RFX3: variants seen among roughly 807,000 people sequenced by gnomAD.
RFX3 encodes regulatory factor X3.
In RFX3, 14 loss-of-function variants were observed where a neutral mutation model predicts 98.6. The ratio of observed to expected loss-of-function variants is 0.14; its 90% CI spans 0.09 to 0.22. RFX3 has a LOEUF of 0.22. Among genes scored for constraint, RFX3 ranks in the 10% least tolerant of loss-of-function variants. The pLI is 1.00. For synonymous variants in RFX3, 383 were observed against 328.4 expected, an observed-to-expected ratio of 1.17 and a Z score of -1.80; for missense variants, 639 against 926.9, an observed-to-expected ratio of 0.69 and a Z score of 4.03.
chr9:3,485,917 G>A (rs947825072), intron 1 of RFX3, among the ~76,000 whole-genome samples: 8 of 151,878 alleles, frequency 5.3e-5, no homozygotes, highest in African/African-American at 1.9e-4. Context: ...CTGAAGTCGG[G>A]AGTTCGAGAC....
chr9:3,220,638 C>A lies in RFX3; in HGVS notation c.*4404G>T, dbSNP rs893661361. On this transcript the variant is annotated 3_prime_UTR_variant, in exon 17 of 17. Transcript: ENST00000617270. ...GCGTGGAAACACTTTCTCTTCCTAC[C>A]CCCCCCTTTAAAAAAACAGCATAAT... 6 of 150,442 alleles carry A rather than the reference C, an allele frequency of 4.0e-5. No individual in the cohort carries two copies. The highest frequency in any genetic ancestry group is 1.5e-4 in the African/African-American group (6 of 40,964). 9.3% of individuals were successfully genotyped at this position (150,442 alleles called of 1,614,324 possible). A position where few individuals can be genotyped will look rare whatever the true frequency, so the allele number is the denominator to read the frequency against.
intron 3 of RFX3, among the ~76,000 whole-genome samples, chr9:3,340,096 C>T (rs1272541899): frequency 1.3e-5 from 2 of 152,132 alleles, no homozygotes; most frequent in African/African-American, 4.8e-5. Flanking sequence ...AGAAATAATG[C>T]CGCATATCTA....
At chr9:3,279,523 G>A (rs1051526463) in intron 7 of RFX3, among the ~76,000 whole-genome samples, 14 of 151,744 alleles carry the variant, frequency 9.2e-5, no homozygotes, top group African/African-American at 3.1e-4. Context: ...GTTATGCTCT[G>A]CCACATTTCT....
At chr9:3,516,832 A>C (rs1184404706) in intron 1 of RFX3, among the ~76,000 whole-genome samples, 4 of 152,134 alleles carry the variant, frequency 2.6e-5, no homozygotes, top group Non-Finnish European at 4.4e-5. Context: ...GGAGCCCCAA[A>C]TGTCAGACAC....
intron 2 of RFX3, among the ~76,000 whole-genome samples, chr9:3,370,835 G>T (rs1336311006): frequency 1.3e-5 from 2 of 151,996 alleles, no homozygotes; most frequent in East Asian, 1.9e-4. Context: ...ATTCAAATTG[G>T]TGCATGTGTC....
chr9:3,291,389 CAAAAACAAAACAAAA>C (rs1291494437), intron 6 of RFX3, among the ~76,000 whole-genome samples: 5,925 of 121,484 alleles, frequency 0.049, 376 homozygotes, highest in African/African-American at 0.15. Context: ...AAAACAAAAA[CAAAAACAAAACAAAA>C]CAAAACAAAA....
intron 2 of RFX3, among the ~76,000 whole-genome samples, chr9:3,370,812 G>A (rs536969712): frequency 1.4e-4 from 21 of 152,138 alleles, no homozygotes; most frequent in Non-Finnish European, 7.4e-5. Flanking sequence ...ACTTTACAAT[G>A]TCCAGATAAG....
chr9:3,306,373 T>C (rs1829313552), intron 4 of RFX3, among the ~76,000 whole-genome samples: 1 of 152,038 alleles, frequency 6.6e-6, no homozygotes, highest in African/African-American at 2.4e-5. Flanking sequence ...CCAGTGCAAC[T>C]ATGGTGTGTG....
chr9:3,523,839 A>C (rs1423716689), intron 1 of RFX3, among the ~76,000 whole-genome samples: 3 of 152,210 alleles, frequency 2.0e-5, no homozygotes, highest in African/African-American at 7.2e-5. Flanking sequence ...AATAATTATA[A>C]ACAAATCTGA....
At chr9:3,349,476 T>C (rs1283928186) in intron 2 of RFX3, among the ~76,000 whole-genome samples, 1 of 152,068 alleles carries the variant, frequency 6.6e-6, no homozygotes, top group Non-Finnish European at 1.5e-5. Context: ...GTTTTATGAT[T>C]ACATGAAATA....
chr9:3,303,488 A>T (rs1383454552), intron 4 of RFX3, among the ~76,000 whole-genome samples: 1 of 151,960 alleles, frequency 6.6e-6, no homozygotes, highest in Non-Finnish European at 1.5e-5. Flanking sequence ...CAGTCTAGTA[A>T]ATATAAATAA....
At chr9:3,466,936 C>T (rs531985320) in intron 1 of RFX3, among the ~76,000 whole-genome samples, 1 of 150,328 alleles carries the variant, frequency 6.7e-6, no homozygotes, top group Non-Finnish European at 1.5e-5. Flanking sequence ...ATCCAACCCC[C>T]GGAGGTATTC....
At chr9:3,377,457 AG>A (rs1838675537) in intron 2 of RFX3, among the ~76,000 whole-genome samples, 1 of 152,062 alleles carries the variant, frequency 6.6e-6, no homozygotes, top group Non-Finnish European at 1.5e-5. Context: ...GGTGAGGGGA[AG>A]GGATAACATT....
intron 2 of RFX3, among the ~76,000 whole-genome samples, chr9:3,383,280 T>C (rs535701983): frequency 3.0e-4 from 45 of 152,252 alleles, no homozygotes; most frequent in African/African-American, 1.1e-3. Flanking sequence ...CAAATAGTCC[T>C]TTATATCCTG....
chr9:3,347,421 G>C (rs1834569076), intron 2 of RFX3, among the ~76,000 whole-genome samples: 2 of 151,878 alleles, frequency 1.3e-5, no homozygotes, highest in Non-Finnish European at 2.9e-5. Flanking sequence ...ATTCATAATA[G>C]AAAATTTCAA....
At chr9:3,443,887 T>C (rs1183568200) in intron 1 of RFX3, among the ~76,000 whole-genome samples, 1 of 152,152 alleles carries the variant, frequency 6.6e-6, no homozygotes, top group African/African-American at 2.4e-5. Flanking sequence ...TTTTTAATAA[T>C]AGAATGGCTA....
At chr9:3,460,321 C>A (rs1054205227) in intron 1 of RFX3, among the ~76,000 whole-genome samples, 1 of 151,982 alleles carries the variant, frequency 6.6e-6, no homozygotes, top group African/African-American at 2.4e-5. Flanking sequence ...TTATGAGATG[C>A]AAATTAAATC....
intron 1 of RFX3, among the ~76,000 whole-genome samples, chr9:3,399,568 T>A (rs1323829477): frequency 2.6e-5 from 4 of 152,234 alleles, no homozygotes; most frequent in African/African-American, 9.6e-5. Context: ...CTCTTTTCAA[T>A]TGAATGGCCT....
At chr9:3,242,453 C>G (rs1469769393) in intron 15 of RFX3, among the ~76,000 whole-genome samples, 1 of 151,512 alleles carries the variant, frequency 6.6e-6, no homozygotes, top group Non-Finnish European at 1.5e-5. Context: ...ATATTCTTTG[C>G]TTTTAAAATA....
Sources: allele counts gnomAD v4.1 joint callset (sites outside exome capture counted in the v4.1 genomes callset), GRCh38; gene constraint gnomAD v4.1.1; transcripts MANE v1.5; gene names NCBI Gene and HGNC (gene_info 2026-07-23, HGNC 2026-07-21).